The following SLCO1B3 variants were observed in gnomAD, a reference collection of about 807,000 sequenced individuals.
The protein encoded by SLCO1B3 is solute carrier organic anion transporter family member 1B3, also known as liver-specific organic anion transporter 2.
In SLCO1B3, 72 loss-of-function variants were observed where a neutral mutation model predicts 71.8. That is an observed-to-expected ratio of 1.00 (90% CI 0.83 to 1.22). The LOEUF (loss-of-function observed/expected upper bound fraction) is 1.22. Among genes scored for constraint, SLCO1B3 ranks in the 50% most tolerant of loss-of-function variants. The probability of loss-of-function intolerance (pLI) is 0.00; values close to 1 mark genes in which losing one functional copy is unlikely to be tolerated. For synonymous variants in SLCO1B3, 298 were observed against 278.4 expected, an observed-to-expected ratio of 1.07 and a Z score of -0.70; for missense variants, 911 against 819.7, an observed-to-expected ratio of 1.11 and a Z score of -1.36.
At chr12:20,899,988 A>C (rs145619523) in intron 14 of SLCO1B3, among the ~76,000 whole-genome samples, 139 of 152,358 alleles carry the variant, frequency 9.1e-4, no homozygotes, top group African/African-American at 3.3e-3. Context: ...TTAAACTAAA[A>C]GAGGTATTTA....
At position 20,862,773 on chromosome 12, in the gene SLCO1B3, G is replaced by A. The variant is rs1865295037; in HGVS notation, c.646G>A (p.Gly216Arg). The A allele has an allele frequency of 6.2e-7, 1 of 1,610,480 alleles. No homozygotes were observed. The highest frequency in any genetic ancestry group is 8.5e-7 in the Non-Finnish European group (1 of 1,177,308). The change falls in exon 8 of 16, where the codon GGA becomes AGA. Residue 216 changes from glycine (G) to arginine (R), a missense_variant. Transcript: ENST00000381545. ...SLYLGSLNAI[G>R]MIGPVIGFAL... Reference sequence around the variant, plus strand: ...ACTTACAGGTAGTTTGAATGCAATAGGAATGATTGGTCCAGTCATTGGCTT... The same window carrying A: ...ACTTACAGGTAGTTTGAATGCAATAAGAATGATTGGTCCAGTCATTGGCTT...
intron 3 of SLCO1B3, among the ~76,000 whole-genome samples, chr12:20,838,454 A>G (rs993525778): frequency 6.6e-6 from 1 of 152,026 alleles, no homozygotes. Flanking sequence ...GTTAAAGTTC[A>G]TTATTAATAT....
intron 14 of SLCO1B3, among the ~76,000 whole-genome samples, chr12:20,899,265 C>A (rs1158855417): frequency 1.3e-5 from 2 of 152,166 alleles, no homozygotes; most frequent in Admixed American, 6.5e-5. Flanking sequence ...AGTCTAACCT[C>A]TGTGAGTGGT....
chr12:20,853,874 T>A (rs966408464), intron 3 of SLCO1B3, among the ~76,000 whole-genome samples: 1 of 146,924 alleles, frequency 6.8e-6, no homozygotes, highest in South Asian at 2.1e-4. Context: ...TTAGTGCTGC[T>A]TCCACTGCAT....
chr12:20,818,132 C>G (rs1247323893), intron 3 of SLCO1B3, among the ~76,000 whole-genome samples: 1 of 152,078 alleles, frequency 6.6e-6, no homozygotes, highest in Non-Finnish European at 1.5e-5. Flanking sequence ...AAAGGAGCGT[C>G]TATACAGGAG....
chr12:20,827,790 G>T (rs892976438), intron 3 of SLCO1B3, among the ~76,000 whole-genome samples: 1 of 152,034 alleles, frequency 6.6e-6, no homozygotes, highest in Non-Finnish European at 1.5e-5. Flanking sequence ...GGCTGCTCTC[G>T]AACTCCTGAC....
At chr12:20,864,304 A>G (rs1391632475) in intron 8 of SLCO1B3, among the ~76,000 whole-genome samples, 1 of 151,798 alleles carries the variant, frequency 6.6e-6, no homozygotes, top group Non-Finnish European at 1.5e-5. Flanking sequence ...TTGCATACTT[A>G]CCCACCATCT....
At chr12:20,901,144 T>C (rs1374313116) in intron 14 of SLCO1B3, among the ~76,000 whole-genome samples, 2 of 152,198 alleles carry the variant, frequency 1.3e-5, no homozygotes, top group Non-Finnish European at 2.9e-5. Context: ...GAAGAGTAGA[T>C]CAAATACATC....
chr12:20,886,319 A>G (rs59654956), intron 13 of SLCO1B3, among the ~76,000 whole-genome samples: 3,072 of 152,202 alleles, frequency 0.02, 108 homozygotes, highest in African/African-American at 0.069. Flanking sequence ...CATTAAAGCC[A>G]TAGACACAAA....
At chr12:20,848,396 T>C (rs1591759414) in intron 3 of SLCO1B3, among the ~76,000 whole-genome samples, 1 of 152,110 alleles carries the variant, frequency 6.6e-6, no homozygotes, top group African/African-American at 2.4e-5. Context: ...GAATGCAAAA[T>C]GGTAGAGCCA....
intron 13 of SLCO1B3, among the ~76,000 whole-genome samples, chr12:20,894,109 A>G (rs931736899): frequency 2.4e-4 from 37 of 152,336 alleles, no homozygotes; most frequent in African/African-American, 8.4e-4. Flanking sequence ...GTTGATTGTC[A>G]TTAGAAAGAA....
chr12:20,858,830 A>G (rs966863809), intron 5 of SLCO1B3: 1 of 200,780 alleles, frequency 5.0e-6, no homozygotes, highest in African/African-American at 2.3e-5. Flanking sequence ...TATGAAATGA[A>G]TATCTTATTT....
chr12:20,892,867 C>T (rs1285623945), intron 13 of SLCO1B3, among the ~76,000 whole-genome samples: 1 of 152,152 alleles, frequency 6.6e-6, no homozygotes, highest in East Asian at 1.9e-4. Flanking sequence ...TGTTTGAATT[C>T]TTTCCTCCAG....
rs904458330 is a variant in SLCO1B3 at position 20,875,252 on chromosome 12, C to T, written c.745C>T (p.Pro249Ser). ...TCTCCTAGGCACTATCAGAATAACT[C>T]CTAAGGACTCTCGTTGGGTTGGAGC... ...YVDLSTIRIT[P>S]KDSRWVGAWW... Residue 249 changes from proline (P) to serine (S), a missense_variant, in exon 9 of 16, where the codon CCT becomes TCT. Physicochemically the swap from Pro to Ser is moderately conservative, Grantham distance 74 (BLOSUM62 -1). Coordinates refer to ENST00000381545, the MANE Select transcript of SLCO1B3 (RefSeq NM_019844.4). The T allele has an allele frequency of 6.2e-7, 1 of 1,613,078 alleles. No individual in the cohort carries two copies. The highest frequency in any genetic ancestry group is 8.5e-7 in the Non-Finnish European group (1 of 1,179,678).
At chr12:20,827,648 T>A (rs1864452094) in intron 3 of SLCO1B3, among the ~76,000 whole-genome samples, 1 of 152,126 alleles carries the variant, frequency 6.6e-6, no homozygotes. Context: ...CTCAGTTCAC[T>A]GCAATCTGTA....
At chr12:20,859,995 G>A (rs1459593439) in intron 5 of SLCO1B3, among the ~76,000 whole-genome samples, 7 of 131,366 alleles carry the variant, frequency 5.3e-5, no homozygotes, top group Non-Finnish European at 6.2e-5. Flanking sequence ...CTCGCTAGTC[G>A]CCCAGGCTGG....
intron 3 of SLCO1B3, among the ~76,000 whole-genome samples, chr12:20,841,209 A>G (rs1250646083): frequency 6.6e-6 from 1 of 152,094 alleles, no homozygotes; most frequent in African/African-American, 2.4e-5. Flanking sequence ...GTGGTTTGCC[A>G]CATGTCCTCA....
rs143420821 is a variant in SLCO1B3 at position 20,907,091 on chromosome 12, A to G, written c.1865+5624A>G. Among the ~76,000 whole-genome samples the G allele has an allele frequency of 9.1e-4, 138 of 152,308 alleles. 1 individual carries two copies. The East Asian group carries it at 0.023, about 25-fold the overall frequency. On this transcript the variant is annotated intron_variant, in intron 15 of 15. Coordinates refer to ENST00000381545, the MANE Select transcript of SLCO1B3 (RefSeq NM_019844.4). The stretch of plus-strand genomic sequence containing the variant: ...AATATATTGGTATATTCACATATAT[A>G]TTATGTGAAAAAAGGAAGCATTACA...
chr12:20,817,372 T>C (rs148344300), intron 3 of SLCO1B3, among the ~76,000 whole-genome samples: 5 of 152,232 alleles, frequency 3.3e-5, no homozygotes, highest in Admixed American at 1.3e-4. Flanking sequence ...TTCATTTTGA[T>C]TTGTTTTTGT....
Sources: allele counts gnomAD v4.1 joint callset (sites outside exome capture counted in the v4.1 genomes callset), GRCh38; gene constraint gnomAD v4.1.1; transcripts MANE v1.5; gene names NCBI Gene and HGNC (gene_info 2026-07-23, HGNC 2026-07-21).